Variants in MINDY4 observed in about 807,000 individuals in gnomAD.
MINDY4 encodes the protein probable ubiquitin carboxyl-terminal hydrolase MINDY-4.
MINDY4 carries 68 observed loss-of-function variants against 87.0 expected under a neutral mutation model. The ratio of observed to expected loss-of-function variants is 0.78; its 90% confidence interval spans 0.64 to 0.96. The LOEUF is 0.96. Ranked by LOEUF, MINDY4 falls within the 40% of genes least tolerant of loss-of-function variation. The pLI is 0.00. For missense variants in MINDY4, 919 were observed against 928.2 expected, an observed-to-expected ratio of 0.99 and a Z score of 0.13; for synonymous variants, 379 against 363.2, an observed-to-expected ratio of 1.04 and a Z score of -0.50.
At chr7:30,856,458 TC>T (rs1789571831) in intron 12 of MINDY4, among the ~76,000 whole-genome samples, 1 of 151,674 alleles carries the variant, frequency 6.6e-6, no homozygotes, top group Admixed American at 6.6e-5. Context: ...TTGAGGGTGT[TC>T]CTAGGACTGG....
chr7:30,863,938 A>G (rs1043074024), intron 13 of MINDY4, among the ~76,000 whole-genome samples: 12 of 152,254 alleles, frequency 7.9e-5, no homozygotes, highest in African/African-American at 2.4e-4. Flanking sequence ...ACAAGCCCCA[A>G]GGATGCTCAG....
At chr7:30,844,171 G>A (rs1387481570) in intron 9 of MINDY4, among the ~76,000 whole-genome samples, 1 of 152,212 alleles carries the variant, frequency 6.6e-6, no homozygotes, top group Non-Finnish European at 1.5e-5. Context: ...TGCAGGTTGA[G>A]TGAAGCGGTC....
chr7:30,850,129 C>T (rs1318284758), intron 9 of MINDY4, among the ~76,000 whole-genome samples: 2 of 152,238 alleles, frequency 1.3e-5, no homozygotes, highest in African/African-American at 4.8e-5. Flanking sequence ...CCTGCCAGAA[C>T]TCATGGCACT....
At chr7:30,889,367 C>A (rs1225354844) in intron 17 of MINDY4, among the ~76,000 whole-genome samples, 5 of 152,178 alleles carry the variant, frequency 3.3e-5, no homozygotes, top group Non-Finnish European at 7.3e-5. Context: ...GCCTTCCCAG[C>A]CTGCTTACCT....
rs1378924027 is a variant in MINDY4 at position 30,791,374 on chromosome 7, C to G, written c.873C>G (p.Pro291=). ...ERQKTTASSP[P]HLPSKRLPPW... Reference sequence around the variant, plus strand: ...AGAAAACCACTGCCAGCAGCCCTCCCCATCTGCCCAGCAAACGGCTGCCCC... The same window carrying G: ...AGAAAACCACTGCCAGCAGCCCTCCGCATCTGCCCAGCAAACGGCTGCCCC... Residue 291 remains proline (P), a synonymous_variant, in exon 5 of 18, where the codon CCC becomes CCG. Transcript: ENST00000265299. 8 of 1,614,014 alleles carry G rather than the reference C, an allele frequency of 5.0e-6. No individual in the cohort carries two copies. The highest frequency in any genetic ancestry group is 1.3e-5 in the African/African-American group (1 of 74,922).
chr7:30,774,985 C>A (rs1479102160), intron 1 of MINDY4, among the ~76,000 whole-genome samples: 7 of 152,166 alleles, frequency 4.6e-5, no homozygotes, highest in Non-Finnish European at 8.8e-5. Context: ...TGAATTCTTA[C>A]AACTGCCTAT....
rs369369905 is a variant in MINDY4, at chr7:30,882,164, G to T, written c.1972-17G>T. The T allele has an allele frequency of 9.8e-4, 1,570 of 1,594,178 alleles. 26 individuals carry two copies. In the South Asian group the frequency reaches 0.017, roughly 17 times the overall value. On this transcript the variant is annotated splice_polypyrimidine_tract_variant and intron_variant, in intron 15 of 17. Coordinates refer to ENST00000265299, the MANE Select transcript of MINDY4 (RefSeq NM_032222.3). ...CCCTGGGGACGGCATTTCACATCAG[G>T]CCTCTCCCTCATCCAGGTTGGCTGC...
intron 1 of MINDY4, among the ~76,000 whole-genome samples, chr7:30,771,819 G>T (rs983674609): frequency 6.6e-6 from 1 of 152,210 alleles, no homozygotes; most frequent in Non-Finnish European, 1.5e-5. Flanking sequence ...TCCGCGCTCC[G>T]GGGCGGCGGC....
chr7:30,875,596 C>G lies in MINDY4; in HGVS notation c.1911C>G (p.Gly637=). 1 of 1,614,172 alleles carries G rather than the reference C, an allele frequency of 6.2e-7. No homozygotes were observed. The highest frequency in any genetic ancestry group is 8.5e-7 in the Non-Finnish European group (1 of 1,180,026). The change falls in exon 15 of 18, where the codon GGC becomes GGG. Residue 637 remains glycine, a synonymous_variant. Coordinates refer to ENST00000265299, the MANE Select transcript of MINDY4 (RefSeq NM_032222.3). The part of the protein sequence containing the change: ...SGDGNITLLR[G]IAARSDIGFL... ...ATGGGAACATCACACTTCTCAGAGGCATTGCTGCACGCAGTGATATTGGCT... is the reference window on the plus strand; with the variant it reads ...ATGGGAACATCACACTTCTCAGAGGGATTGCTGCACGCAGTGATATTGGCT...
At chr7:30,843,937 G>A (rs1017606557) in intron 9 of MINDY4, among the ~76,000 whole-genome samples, 1 of 152,206 alleles carries the variant, frequency 6.6e-6, no homozygotes, top group African/African-American at 2.4e-5. Flanking sequence ...GGCCTGCCTG[G>A]CTGGACCAGA....
At chr7:30,837,021 A>G (rs1330374185) in intron 7 of MINDY4, among the ~76,000 whole-genome samples, 1 of 152,100 alleles carries the variant, frequency 6.6e-6, no homozygotes, top group Non-Finnish European at 1.5e-5. Flanking sequence ...TACCGTGGGA[A>G]TAGAGCTGCT....
chr7:30,834,701 A>G (rs1321275046), intron 6 of MINDY4, among the ~76,000 whole-genome samples: 1 of 152,142 alleles, frequency 6.6e-6, no homozygotes, highest in African/African-American at 2.4e-5. Context: ...TGTTTCCCTT[A>G]TAAAACTGGA....
intron 5 of MINDY4, among the ~76,000 whole-genome samples, chr7:30,826,748 A>G (rs887818500): frequency 2.0e-5 from 3 of 152,242 alleles, no homozygotes; most frequent in Admixed American, 6.5e-5. Flanking sequence ...AACCCTAGGA[A>G]AATTACTAAA....
At chr7:30,875,723 T>G in intron 15 of MINDY4, 67 bp downstream of exon 15, 1 of 1,516,784 alleles carries the variant, frequency 6.6e-7, no homozygotes, top group South Asian at 1.3e-5. Flanking sequence ...AGGAGGGAAG[T>G]GGGGAAGGAA....
intron 5 of MINDY4, among the ~76,000 whole-genome samples, chr7:30,813,795 T>G (rs556565642): frequency 6.6e-6 from 1 of 152,378 alleles, no homozygotes; most frequent in East Asian, 1.9e-4. Flanking sequence ...AAAGCTAACT[T>G]GGGTTTAAAG....
In MINDY4 at chr7:30,850,456, G is replaced by C. The variant is rs760411623; in HGVS notation, c.1448G>C (p.Gly483Ala). ...TGCCTTCCTTTTCTTGTCCGCAGGG[G>C]ACTGCAGCCTTCAGATGCCCACCGG... is the stretch of plus-strand genomic sequence containing the variant. ...EGDSKADCAQGLQPSDAHRTR... is the reference protein window; with the variant it reads ...EGDSKADCAQALQPSDAHRTR... The change falls in exon 10 of 18, where the codon GGA becomes GCA. Residue 483 changes from glycine to alanine, a missense_variant and splice_region_variant. Coordinates refer to ENST00000265299, the MANE Select transcript of MINDY4 (RefSeq NM_032222.3). 1.2e-6 allele frequency: 2 copies of C among 1,611,312 alleles called. No individual in the cohort carries two copies. Among genetic ancestry groups the C allele is most frequent in the Non-Finnish European group, 1.7e-6 (2 of 1,178,870 alleles).
chr7:30,875,647 C>T lies in MINDY4; in HGVS notation c.1962C>T (p.Asn654=), dbSNP rs10215354. 0.1 allele frequency: 167,183 copies of T among 1,607,614 alleles called. 19,038 individuals are homozygous for T. The highest frequency in any genetic ancestry group is 0.54 in the African/African-American group (40,200 of 74,686). The change falls in exon 15 of 18, where the codon AAC becomes AAT. Residue 654 remains asparagine, a synonymous_variant. Transcript: ENST00000265299. ...IGFLSLFEHY[N]MCQVGCFLKT... is the part of the protein sequence containing the mutation. ...TCTTATCTCTCTTTGAGCATTACAA[C>T]ATGTGCCAGGTACCCAGATGCTCAC...
chr7:30,834,548 T>C (rs1484128341), intron 6 of MINDY4, among the ~76,000 whole-genome samples: 2 of 152,246 alleles, frequency 1.3e-5, no homozygotes, highest in African/African-American at 2.4e-5. Context: ...GGAGACGTTT[T>C]CCCCATTGTC....
chr7:30,850,150 C>T (rs1789363436), intron 9 of MINDY4, among the ~76,000 whole-genome samples: 1 of 152,228 alleles, frequency 6.6e-6, no homozygotes, highest in Non-Finnish European at 1.5e-5. Context: ...TTCTCTCACA[C>T]ACTTCTGGGC....
Sources: allele counts gnomAD v4.1 joint callset (sites outside exome capture counted in the v4.1 genomes callset), GRCh38; gene constraint gnomAD v4.1.1; transcripts MANE v1.5; gene names NCBI Gene and HGNC (gene_info 2026-07-23, HGNC 2026-07-21).